Variants in TRPM3 observed in about 807,000 individuals in gnomAD.
TRPM3 encodes transient receptor potential cation channel subfamily M member 3.
Under a neutral mutation model 181.2 loss-of-function variants are expected in TRPM3, and 77 were observed. The ratio of observed to expected loss-of-function variants is 0.42; its 90% CI spans 0.35 to 0.51. TRPM3 has a LOEUF of 0.51. TRPM3 is among the 20% of genes least tolerant of loss of function. TRPM3 has a pLI of 0.01. For synonymous variants in TRPM3, 745 were observed against 796.4 expected (o/e 0.94, Z 1.09); for missense variants, 1,759 against 2,196.7 (o/e 0.80, Z 3.98).
intron 1 of TRPM3, among the ~76,000 whole-genome samples, chr9:70,911,845 C>T (rs1243761658): frequency 6.6e-6 from 1 of 152,166 alleles, no homozygotes; most frequent in East Asian, 1.9e-4. Flanking sequence ...TTCTAATAAG[C>T]CTCATCATAC....
At chr9:71,230,854 G>A (rs1023370953) in intron 1 of TRPM3, among the ~76,000 whole-genome samples, 3 of 152,144 alleles carry the variant, frequency 2.0e-5, no homozygotes, top group Non-Finnish European at 2.9e-5. Context: ...TAGAGTCCAA[G>A]CTCTGTGTTT....
At chr9:70,643,796 C>A (rs189758179) in intron 9 of TRPM3, among the ~76,000 whole-genome samples, 1 of 152,184 alleles carries the variant, frequency 6.6e-6, no homozygotes, top group Non-Finnish European at 1.5e-5. Context: ...CTGGGCATTG[C>A]GGTTTTTAAA....
chr9:71,197,795 C>A (rs1478387334), intron 1 of TRPM3, among the ~76,000 whole-genome samples: 1 of 132,984 alleles, frequency 7.5e-6, no homozygotes, highest in Non-Finnish European at 1.7e-5. Context: ...GAGTAGGTTG[C>A]AAAAATTTTC....
At chr9:70,861,243 C>T (rs2095512139) in intron 3 of TRPM3, among the ~76,000 whole-genome samples, 1 of 152,134 alleles carries the variant, frequency 6.6e-6, no homozygotes, top group African/African-American at 2.4e-5. Context: ...GACTGCTTTT[C>T]TCTTGTAATC....
intron 1 of TRPM3, among the ~76,000 whole-genome samples, chr9:71,221,372 C>A (rs965092584): frequency 7.2e-5 from 11 of 152,086 alleles, no homozygotes; most frequent in African/African-American, 2.7e-4. Flanking sequence ...GAAATATATG[C>A]ATCACATAAA....
intron 1 of TRPM3, among the ~76,000 whole-genome samples, chr9:70,880,742 T>C (rs771334252): frequency 6.6e-6 from 1 of 152,138 alleles, no homozygotes; most frequent in Non-Finnish European, 1.5e-5. Flanking sequence ...ATTGATAGCT[T>C]CCTCATGACA....
chr9:70,589,882 TCA>T (rs2057825490), intron 22 of TRPM3, among the ~76,000 whole-genome samples: 1 of 152,176 alleles, frequency 6.6e-6, no homozygotes, highest in Non-Finnish European at 1.5e-5. Flanking sequence ...CCTGGAGGAC[TCA>T]CACTCTTTGC....
intron 1 of TRPM3, among the ~76,000 whole-genome samples, chr9:71,025,960 GT>G (rs1408659731): frequency 1.3e-5 from 2 of 151,618 alleles, no homozygotes; most frequent in African/African-American, 2.4e-5. Flanking sequence ...TGCAGAAGGG[GT>G]GAGCTGAACA....
chr9:71,182,407 A>G (rs1039178254), intron 1 of TRPM3, among the ~76,000 whole-genome samples: 1 of 152,136 alleles, frequency 6.6e-6, no homozygotes, highest in Admixed American at 6.6e-5. Flanking sequence ...AAGGAACCCA[A>G]GTTCCTTTAA....
chr9:70,656,692 C>T (rs1260385493), intron 9 of TRPM3, among the ~76,000 whole-genome samples: 1 of 152,102 alleles, frequency 6.6e-6, no homozygotes, highest in East Asian at 1.9e-4. Flanking sequence ...TGTAGACAAA[C>T]TCATTGTAAT....
intron 1 of TRPM3, among the ~76,000 whole-genome samples, chr9:70,968,866 A>G (rs2097210924): frequency 6.6e-6 from 1 of 152,172 alleles, no homozygotes; most frequent in Admixed American, 6.6e-5. Flanking sequence ...TCAACTCAAG[A>G]TGGATTAAAG....
At position 70,916,287 on chromosome 9, in the gene TRPM3, T is replaced by C. The variant is rs1044704389; in HGVS notation, c.178-51776A>G. ...GAAAGAAAGGGACATTAATGAGCAA[T>C]AAGAAATCATCTGAAGGTACAAAAC... is the stretch of plus-strand genomic sequence containing the variant. On this transcript the variant is annotated intron_variant, in intron 1 of 25. Transcript: ENST00000677713. 2.0e-5 allele frequency among the ~76,000 whole-genome samples: 3 copies of C among 152,022 alleles called. No individual in the cohort carries two copies. In the South Asian group the frequency reaches 6.2e-4, roughly 32 times the overall value.
At chr9:71,365,251 C>A (rs1182246782) in intron 1 of TRPM3, among the ~76,000 whole-genome samples, 2 of 152,134 alleles carry the variant, frequency 1.3e-5, no homozygotes, top group Non-Finnish European at 2.9e-5. Flanking sequence ...AATATTAAAG[C>A]ACATAATAGC....
intron 1 of TRPM3, among the ~76,000 whole-genome samples, chr9:71,047,742 T>C (rs1287230001): frequency 1.3e-5 from 2 of 151,856 alleles, no homozygotes; most frequent in East Asian, 3.9e-4. Context: ...ACTACAAAAC[T>C]GTAAGTAGGT....
intron 8 of TRPM3, among the ~76,000 whole-genome samples, chr9:70,753,301 C>T (rs569959196): frequency 2.6e-5 from 4 of 151,926 alleles, no homozygotes; most frequent in Non-Finnish European, 5.9e-5. Context: ...GTAACACAAC[C>T]AACAAAAGAT....
intron 1 of TRPM3, among the ~76,000 whole-genome samples, chr9:71,052,423 T>C (rs2060159075): frequency 6.6e-6 from 1 of 152,094 alleles, no homozygotes; most frequent in Non-Finnish European, 1.5e-5. Context: ...ATGGCTGTTT[T>C]GAGAAAGTAT....
chr9:70,925,582 AT>A (rs2096712890), intron 1 of TRPM3, among the ~76,000 whole-genome samples: 2 of 152,062 alleles, frequency 1.3e-5, no homozygotes, highest in Admixed American at 1.3e-4. Flanking sequence ...TATGGAATAT[AT>A]ATATATATCT....
chr9:70,684,315 C>T lies in TRPM3; in HGVS notation c.1273-2737G>A, dbSNP rs147279404. On this transcript the variant is annotated intron_variant, in intron 8 of 25. Transcript: ENST00000677713. ...GGGCTTCACAGTTTTTCTGGAAAACCGATGTGGGGGCAATGACTGCTCACC... is the reference window on the plus strand; with the variant it reads ...GGGCTTCACAGTTTTTCTGGAAAACTGATGTGGGGGCAATGACTGCTCACC... Among the ~76,000 whole-genome samples the T allele has an allele frequency of 1.0e-3, 152 of 152,092 alleles. 1 individual carries two copies. Among genetic ancestry groups the T allele is most frequent in the East Asian group, 7.2e-3 (37 of 5,166 alleles).
intron 19 of TRPM3, among the ~76,000 whole-genome samples, chr9:70,606,597 G>A (rs1480473928): frequency 6.6e-6 from 1 of 151,072 alleles, no homozygotes; most frequent in African/African-American, 2.4e-5. Flanking sequence ...ATGCAGCCTT[G>A]CTGTAGATTA....
Sources: gnomAD v4.1 joint callset for allele counts (sites outside exome capture counted in the v4.1 genomes callset) on GRCh38, gnomAD v4.1.1 for gene constraint, MANE v1.5 for transcripts, NCBI Gene and HGNC (gene_info 2026-07-23, HGNC 2026-07-21) for gene names.